ELAVL2: variants seen among roughly 807,000 people sequenced by gnomAD.
The protein encoded by ELAVL2 is ELAV-like protein 2.
Under a neutral mutation model 34.6 loss-of-function variants are expected in ELAVL2, and 4 were observed. The ratio of observed to expected loss-of-function variants is 0.12; its 90% CI spans 0.06 to 0.26. The LOEUF (loss-of-function observed/expected upper bound fraction) is 0.26. Among genes scored for constraint, ELAVL2 ranks in the 10% least tolerant of loss-of-function variants. The pLI, the probability that ELAVL2 is intolerant of heterozygous loss-of-function variation, is 1.00. For missense variants in ELAVL2, 432 were observed against 442.8 expected, an observed-to-expected ratio of 0.98 and a Z score of 0.22; for synonymous variants, 193 against 154.8, an observed-to-expected ratio of 1.25 and a Z score of -1.83.
At chr9:23,783,090 C>T (rs1448783769) in intron 1 of ELAVL2, among the ~76,000 whole-genome samples, 1 of 152,184 alleles carries the variant, frequency 6.6e-6, no homozygotes, top group Non-Finnish European at 1.5e-5. Context: ...CCAACAAACT[C>T]TTATCTCAAA....
intron 3 of ELAVL2, among the ~76,000 whole-genome samples, chr9:23,726,537 A>C (rs1031778431): frequency 2.0e-5 from 3 of 152,046 alleles, no homozygotes; most frequent in African/African-American, 4.8e-5. Flanking sequence ...CCTTCTTTCC[A>C]GATAAATCAA....
At chr9:23,807,008 T>C (rs1448408984) in intron 1 of ELAVL2, among the ~76,000 whole-genome samples, 1 of 152,188 alleles carries the variant, frequency 6.6e-6, no homozygotes, top group Non-Finnish European at 1.5e-5. Context: ...ATCTAAAAGC[T>C]GTGATGAAAT....
At chr9:23,747,650 G>A (rs558266803) in intron 2 of ELAVL2, among the ~76,000 whole-genome samples, 2 of 152,240 alleles carry the variant, frequency 1.3e-5, no homozygotes, top group East Asian at 3.9e-4. Context: ...AAACATGAGT[G>A]CAAAGTAGGC....
intron 4 of ELAVL2, among the ~76,000 whole-genome samples, chr9:23,702,972 AAAAAAAAAAC>A (rs1490477611): frequency 2.8e-4 from 41 of 147,156 alleles, no homozygotes; most frequent in African/African-American, 9.0e-4. Flanking sequence ...AAAAAAAAAA[AAAAAAAAAAC>A]AGCCTCTACA....
intron 1 of ELAVL2, among the ~76,000 whole-genome samples, chr9:23,765,322 A>T (rs1229500733): frequency 6.6e-6 from 1 of 152,186 alleles, no homozygotes; most frequent in Non-Finnish European, 1.5e-5. Flanking sequence ...CTGATTTTAA[A>T]ACAGTATTAA....
At chr9:23,819,181 A>C (rs767091277) in intron 1 of ELAVL2, among the ~76,000 whole-genome samples, 8 of 152,152 alleles carry the variant, frequency 5.3e-5, no homozygotes, top group Admixed American at 2.0e-4. Flanking sequence ...TCTGTGTATA[A>C]ATAATCAAAA....
chr9:23,787,087 G>C (rs1040348359), intron 1 of ELAVL2, among the ~76,000 whole-genome samples: 1 of 152,068 alleles, frequency 6.6e-6, no homozygotes, highest in Non-Finnish European at 1.5e-5. Context: ...ATATATATAC[G>C]GCAAATGTGA....
At chr9:23,751,519 G>A (rs2052028259) in intron 2 of ELAVL2, among the ~76,000 whole-genome samples, 2 of 152,116 alleles carry the variant, frequency 1.3e-5, no homozygotes, top group African/African-American at 4.8e-5. Flanking sequence ...AACACTGCAG[G>A]AATATTAGGT....
At chr9:23,701,286 A>C in intron 5 of ELAVL2, 93 bp downstream of exon 5, 1 of 1,386,292 alleles carries the variant, frequency 7.2e-7, no homozygotes, top group Non-Finnish European at 1.0e-6. Context: ...GACAAAAGCA[A>C]ACCAGAGATC....
At chr9:23,736,071 C>T (rs995839048) in intron 2 of ELAVL2, among the ~76,000 whole-genome samples, 8 of 152,132 alleles carry the variant, frequency 5.3e-5, no homozygotes, top group African/African-American at 1.9e-4. Flanking sequence ...ACACAATCTT[C>T]TGGACCTGTT....
At chr9:23,726,701 A>G (rs1018743123) in intron 3 of ELAVL2, among the ~76,000 whole-genome samples, 2 of 152,134 alleles carry the variant, frequency 1.3e-5, no homozygotes, top group Non-Finnish European at 2.9e-5. Flanking sequence ...GTCTACACAT[A>G]TTCTTGGAAA....
At chr9:23,795,251 A>G (rs2060777314) in intron 1 of ELAVL2, among the ~76,000 whole-genome samples, 1 of 152,184 alleles carries the variant, frequency 6.6e-6, no homozygotes, top group Non-Finnish European at 1.5e-5. Flanking sequence ...CTATTTAAGA[A>G]ATGGAGAAAA....
chr9:23,829,704 A>G (rs7855161), upstream of ELAVL2: 45,881 of 151,728 alleles, frequency 0.3, 7,575 homozygotes, highest in Middle Eastern at 0.41. Context: ...GAAAGGGGGG[A>G]AAAGTTGTGA....
Position 23,761,238 on chromosome 9 carries a change from T to C in ELAVL2, c.229+768A>G, listed in dbSNP as rs77118407. On this transcript the variant is annotated intron_variant, in intron 2 of 6. Coordinates refer to ENST00000397312, the MANE Select transcript of ELAVL2 (RefSeq NM_004432.5). ...CACAGAGTCTGTCTACCTTCGTATATTTTTAGTGTTTAACTTCATATGTAT... is the reference window on the plus strand; with the variant it reads ...CACAGAGTCTGTCTACCTTCGTATACTTTTAGTGTTTAACTTCATATGTAT... 1.0e-2 allele frequency among the ~76,000 whole-genome samples: 1,515 copies of C among 152,214 alleles called. 32 individuals are homozygous for C. Among genetic ancestry groups the C allele is most frequent in the African/African-American group, 0.035 (1,449 of 41,546 alleles).
the ELAVL2 span, among the ~76,000 whole-genome samples, chr9:23,843,585 A>G: frequency 6.6e-6 from 1 of 152,068 alleles, no homozygotes; most frequent in Non-Finnish European, 1.5e-5. Context: ...TTAAATTGAT[A>G]ATCTATTATT....
intron 1 of ELAVL2, chr9:23,779,474 C>T: frequency 1.1e-6 from 1 of 916,462 alleles, no homozygotes; most frequent in South Asian, 5.0e-5. Context: ...GGGCGGGCTT[C>T]CTTCTGGCTT....
At chr9:23,700,065 C>T (rs1024019446) in intron 5 of ELAVL2, among the ~76,000 whole-genome samples, 1 of 151,882 alleles carries the variant, frequency 6.6e-6, no homozygotes, top group East Asian at 1.9e-4. Flanking sequence ...CTCTTCAGCA[C>T]TGCAAATATT....
At chr9:23,728,502 G>A (rs2045798918) in intron 3 of ELAVL2, among the ~76,000 whole-genome samples, 1 of 152,114 alleles carries the variant, frequency 6.6e-6, no homozygotes, top group African/African-American at 2.4e-5. Context: ...TCAGCCAGAT[G>A]ATAGGGTAAA....
intron 1 of ELAVL2, among the ~76,000 whole-genome samples, chr9:23,780,286 C>CA (rs1288366374): frequency 6.6e-6 from 1 of 152,026 alleles, no homozygotes; most frequent in African/African-American, 2.4e-5. Context: ...AGTCTAACAA[C>CA]AGAGAATTTT....
Sources: gnomAD v4.1 joint callset for allele counts (sites outside exome capture counted in the v4.1 genomes callset) on GRCh38, gnomAD v4.1.1 for gene constraint, MANE v1.5 for transcripts, NCBI Gene and HGNC (gene_info 2026-07-23, HGNC 2026-07-21) for gene names.